The following JARID2 variants were observed in gnomAD, a reference collection of about 807,000 sequenced individuals.
JARID2 encodes protein Jumonji.
Under a neutral mutation model 125.6 loss-of-function variants are expected in JARID2, and 21 were observed. The observed-to-expected ratio is 0.17, with a 90% CI of 0.12 to 0.24. The LOEUF is 0.24. Among genes scored for constraint, JARID2 ranks in the 10% least tolerant of loss-of-function variants. The pLI, the probability that JARID2 is intolerant of heterozygous loss-of-function variation, is 1.00. For missense variants in JARID2, 1,303 were observed against 1,639.6 expected (o/e 0.79, Z 3.55); for synonymous variants, 736 against 661.6 (o/e 1.11, Z -1.73).
chr6:15,248,030 G>A, intron 1 of JARID2: 12 of 985,372 alleles, frequency 1.2e-5, no homozygotes, highest in African/African-American at 1.7e-5. Context: ...CTCCCATTCC[G>A]GACCTCGTTG....
chr6:15,398,474 C>T (rs1765298291), intron 2 of JARID2, among the ~76,000 whole-genome samples: 3 of 152,180 alleles, frequency 2.0e-5, no homozygotes, highest in South Asian at 2.1e-4. Flanking sequence ...CCAGAGGATG[C>T]TGTGAGTCTA....
intron 8 of JARID2, among the ~76,000 whole-genome samples, chr6:15,502,819 G>A (rs532704976): frequency 1.3e-5 from 2 of 152,136 alleles, no homozygotes; most frequent in Non-Finnish European, 1.5e-5. Context: ...GTGGGGATGC[G>A]GTGTGGGGGT....
chr6:15,362,444 G>A (rs1025215261), intron 1 of JARID2, among the ~76,000 whole-genome samples: 2 of 152,158 alleles, frequency 1.3e-5, no homozygotes, highest in Admixed American at 6.6e-5. Flanking sequence ...ATTTACCGTA[G>A]CATTACTGTT....
rs374097274 is a variant in JARID2 at position 15,452,206 on chromosome 6, A to G, written c.493+31A>G. The G allele has an allele frequency of 9.3e-6, 15 of 1,610,888 alleles. No homozygotes were observed. In the Admixed American group the frequency reaches 1.2e-4, roughly 13 times the overall value. ...ACTTTGCAACCATCGGCGGAGGTCT[A>G]CGTGGAATCTACATGTAAGCCTGAG... On this transcript the variant is annotated intron_variant, in intron 4 of 17. Transcript: ENST00000341776.
At position 15,496,439 on chromosome 6, in the gene JARID2, A is replaced by G. The variant is rs151240501; in HGVS notation, c.1214A>G (p.Asn405Ser). The G allele has an allele frequency of 4.3e-4, 692 of 1,613,688 alleles. 1 individual carries two copies. Among genetic ancestry groups the G allele is most frequent in the East Asian group, 2.4e-3 (106 of 44,870 alleles). The change falls in exon 7 of 18, where the codon AAT (asparagine) becomes AGT (serine). Residue 405 changes from asparagine to serine, a missense_variant. Transcript: ENST00000341776. The stretch of plus-strand genomic sequence containing the variant: ...TCCAAGTCCACTGGGCCCGCCGTCA[A>G]TGGCCTCAAGGTCAGTGGCAGGTTG... ...GASKSTGPAV[N>S]GLKVSGRLNP...
intron 2 of JARID2, among the ~76,000 whole-genome samples, chr6:15,391,747 T>TCTAGG (rs1374087360): frequency 6.6e-6 from 1 of 152,168 alleles, no homozygotes; most frequent in Non-Finnish European, 1.5e-5. Context: ...TAACTGGGTG[T>TCTAGG]CTAGGAGCAA....
chr6:15,396,212 C>A (rs1196427628), intron 2 of JARID2, among the ~76,000 whole-genome samples: 2 of 152,134 alleles, frequency 1.3e-5, no homozygotes, highest in Admixed American at 6.5e-5. Context: ...AAAAAGCCAA[C>A]AATATATATT....
chr6:15,461,970 A>G (rs2127662575), intron 4 of JARID2, among the ~76,000 whole-genome samples: 1 of 152,186 alleles, frequency 6.6e-6, no homozygotes, highest in East Asian at 1.9e-4. Context: ...TTCAGTAAGG[A>G]ATAGGGATTC....
intron 1 of JARID2, among the ~76,000 whole-genome samples, chr6:15,371,701 T>G (rs1022824931): frequency 3.9e-5 from 6 of 152,116 alleles, no homozygotes; most frequent in Non-Finnish European, 7.4e-5. Flanking sequence ...TTTAATCATT[T>G]GATTGGGAAG....
At chr6:15,339,076 G>T (rs1231990249) in intron 1 of JARID2, among the ~76,000 whole-genome samples, 1 of 152,144 alleles carries the variant, frequency 6.6e-6, no homozygotes, top group Non-Finnish European at 1.5e-5. Context: ...CCAACTGGAA[G>T]AGCAGTACTA....
chr6:15,414,877 G>T (rs901280305), intron 3 of JARID2, among the ~76,000 whole-genome samples: 3 of 151,960 alleles, frequency 2.0e-5, no homozygotes, highest in Non-Finnish European at 4.4e-5. Flanking sequence ...GATTTGGCAG[G>T]GTCATAGGAC....
intron 6 of JARID2, among the ~76,000 whole-genome samples, chr6:15,488,417 G>C (rs1191157949): frequency 6.6e-6 from 1 of 152,202 alleles, no homozygotes; most frequent in African/African-American, 2.4e-5. Flanking sequence ...CTAAGTCATG[G>C]GATCATTGAT....
chr6:15,348,683 C>T (rs756958776), intron 1 of JARID2, among the ~76,000 whole-genome samples: 1 of 152,048 alleles, frequency 6.6e-6, no homozygotes, highest in Non-Finnish European at 1.5e-5. Context: ...AAACATTGTT[C>T]TTTATTCTTC....
chr6:15,474,695 T>C (rs1434705519), intron 5 of JARID2, among the ~76,000 whole-genome samples: 1 of 152,242 alleles, frequency 6.6e-6, no homozygotes, highest in Non-Finnish European at 1.5e-5. Flanking sequence ...GCCATTGTTA[T>C]ATGTTCAAGG....
intron 1 of JARID2, among the ~76,000 whole-genome samples, chr6:15,270,236 G>A (rs367998242): frequency 1.3e-5 from 2 of 152,122 alleles, no homozygotes; most frequent in Non-Finnish European, 2.9e-5. Flanking sequence ...GGGTTCACGC[G>A]ATTCTCCTGC....
chr6:15,414,774 T>A lies in JARID2; in HGVS notation c.323+4409T>A, dbSNP rs926877086. On this transcript the variant is annotated intron_variant, in intron 3 of 17. Coordinates refer to ENST00000341776, the MANE Select transcript of JARID2 (RefSeq NM_004973.4). Reference sequence around the variant, plus strand: ...GTGGTGGGTGAGATTGTTTTTTTTTTAAATGATATATTTACATAGTTTATA... The same window carrying A: ...GTGGTGGGTGAGATTGTTTTTTTTTAAAATGATATATTTACATAGTTTATA... Among the ~76,000 whole-genome samples, 6 of 152,260 alleles carry A rather than the reference T, an allele frequency of 3.9e-5. No homozygotes were observed. In the East Asian group the frequency reaches 5.8e-4, roughly 15 times the overall value.
rs1186681954 is a variant in JARID2 at position 15,392,676 on chromosome 6, GAGA to G, written c.182-17547_182-17545del. 3.0e-3 allele frequency among the ~76,000 whole-genome samples: 398 copies of G among 134,910 alleles called. 4 individuals are homozygous for G. Among genetic ancestry groups the G allele is most frequent in the African/African-American group, 0.011 (386 of 34,952 alleles). The allele number at this position is 134,910 out of a possible 152,430, so 88.5% of individuals were successfully genotyped here. ...TTTGGAGCTTTGCTGTTGTGATTAA[GAGA>G]CTTTTTTTTTTTTTTTTTTTGAGTC... On this transcript the variant is annotated intron_variant, in intron 2 of 17. Coordinates refer to ENST00000341776, the MANE Select transcript of JARID2 (RefSeq NM_004973.4).
At chr6:15,517,414 T>TA (rs1196912010) in intron 17 of JARID2, 146 bp downstream of exon 17, 1 of 625,008 alleles carries the variant, frequency 1.6e-6, no homozygotes, top group African/African-American at 1.8e-5. Context: ...TCTTAGGCCC[T>TA]AAACCCATTC....
chr6:15,322,489 C>T (rs550786795), intron 1 of JARID2, among the ~76,000 whole-genome samples: 2 of 152,304 alleles, frequency 1.3e-5, no homozygotes, highest in African/African-American at 4.8e-5. Context: ...TTTTAAGTAA[C>T]ATTCTTCTCT....
Sources: allele counts gnomAD v4.1 joint callset (sites outside exome capture counted in the v4.1 genomes callset), GRCh38; gene constraint gnomAD v4.1.1; transcripts MANE v1.5; gene names NCBI Gene and HGNC (gene_info 2026-07-23, HGNC 2026-07-21).